FAM13A: variants seen among roughly 807,000 people sequenced by gnomAD.
The protein encoded by FAM13A is family with sequence similarity 13 member A, also known as protein FAM13A.
A neutral mutation model predicts 129.6 loss-of-function variants in FAM13A; 76 were observed. The observed-to-expected ratio is 0.59, with a 90% CI of 0.49 to 0.71. FAM13A has a LOEUF of 0.71. Ranked by LOEUF, FAM13A falls within the 30% of genes least tolerant of loss-of-function variation. The pLI is 0.00. For synonymous variants in FAM13A, 443 were observed against 449.9 expected (o/e 0.98, Z 0.20); for missense variants, 1,108 against 1,249.3 (o/e 0.89, Z 1.70).
At chr4:88,900,681 C>T (rs2150206544) in intron 6 of FAM13A, among the ~76,000 whole-genome samples, 1 of 152,130 alleles carries the variant, frequency 6.6e-6, no homozygotes, top group South Asian at 2.1e-4. Flanking sequence ...CGTTACCAGC[C>T]AATACAAAAC....
At chr4:88,879,431 A>ATAC (rs1307889881) in intron 6 of FAM13A, among the ~76,000 whole-genome samples, 16 of 152,324 alleles carry the variant, frequency 1.1e-4, no homozygotes, top group African/African-American at 3.1e-4. Flanking sequence ...GATATGTATT[A>ATAC]TATGCACAAT....
At chr4:88,767,691 T>C (rs1275855003) in intron 12 of FAM13A, 96 bp from the exon 13 acceptor site, 40 of 1,006,598 alleles carry the variant, frequency 4.0e-5, no homozygotes, top group Middle Eastern at 2.1e-4. Flanking sequence ...TAAGAGTATG[T>C]TGAGTAGCTC....
intron 6 of FAM13A, 38 bp downstream of exon 6, chr4:88,906,341 G>T (rs13132415): frequency 0.15 from 199,367 of 1,288,182 alleles, 17,518 homozygotes; most frequent in Middle Eastern, 0.26. Context: ...CCATGCTAAA[G>T]ATTTCACATG....
chr4:88,896,726 C>G (rs183446329), intron 6 of FAM13A, among the ~76,000 whole-genome samples: 2 of 152,276 alleles, frequency 1.3e-5, no homozygotes, highest in East Asian at 3.9e-4. Context: ...TATCCCGCAT[C>G]TTATAGTTAA....
chr4:88,756,935 G>A lies in FAM13A; in HGVS notation c.1726+1819C>T, dbSNP rs1034544655. ...AAGATATGTACATTCAATGACAAAC[G>A]CAGTAATGGCAAAACAAAAACAAAA... On this transcript the variant is annotated intron_variant, in intron 14 of 23. Transcript: ENST00000264344. Among the ~76,000 whole-genome samples the A allele has an allele frequency of 3.3e-5, 5 of 151,822 alleles. 1 individual carries two copies. The South Asian group carries it at 6.2e-4, about 19-fold the overall frequency.
intron 7 of FAM13A, among the ~76,000 whole-genome samples, chr4:88,830,764 G>C (rs1733766910): frequency 6.6e-6 from 1 of 152,262 alleles, no homozygotes; most frequent in South Asian, 2.1e-4. Flanking sequence ...AGAGGGGAGG[G>C]AAGAGCTGCT....
chr4:88,960,320 T>C (rs1043351990), intron 4 of FAM13A, among the ~76,000 whole-genome samples: 6 of 152,248 alleles, frequency 3.9e-5, no homozygotes, highest in Non-Finnish European at 7.3e-5. Context: ...CCTATTTGAT[T>C]TTTCAGTGAG....
chr4:88,877,730 G>A (rs1742801499), intron 6 of FAM13A, among the ~76,000 whole-genome samples: 2 of 152,106 alleles, frequency 1.3e-5, no homozygotes, highest in African/African-American at 4.8e-5. Context: ...AATATCTTTA[G>A]TAGCTCCCCA....
chr4:88,727,443 A>G lies in FAM13A; in HGVS notation c.*1090T>C, dbSNP rs1344504609. On this transcript the variant is annotated 3_prime_UTR_variant, in exon 24 of 24. Coordinates refer to ENST00000264344, the MANE Select transcript of FAM13A (RefSeq NM_014883.4). ...AGCATGACTTCTTTTTTTTCTTTTT[A>G]TACATGATCTCGAAAATAGTGTGAT... 6.6e-6 allele frequency: 1 copy of G among 152,458 alleles called. No individual in the cohort carries two copies. The highest frequency in any genetic ancestry group is 6.5e-5 in the Admixed American group (1 of 15,268). The allele number at this position is 152,458 out of a possible 1,614,324, so 9.4% of individuals were successfully genotyped here.
At position 88,945,990 on chromosome 4, in the gene FAM13A, G is replaced by GTATATATATATATATATA. The variant is rs199936059; in HGVS notation, c.606-7767_606-7750dup. ...TGTGTGTGTGTGTGTGTGTGTGTGT[G>GTATATATATATATATATA]TATATATATATATATATATATATAT... On this transcript the variant is annotated intron_variant, in intron 4 of 23. Coordinates refer to ENST00000264344, the MANE Select transcript of FAM13A (RefSeq NM_014883.4). 1.2e-3 allele frequency among the ~76,000 whole-genome samples: 77 copies of GTATATATATATATATATA among 61,862 alleles called. 1 individual carries two copies. Among genetic ancestry groups the GTATATATATATATATATA allele is most frequent in the Admixed American group, 2.9e-3 (17 of 5,866 alleles). 40.6% of individuals were successfully genotyped at this position (61,862 alleles called of 152,430 possible).
intron 8 of FAM13A, among the ~76,000 whole-genome samples, chr4:88,801,798 C>T (rs914970737): frequency 3.3e-5 from 5 of 152,066 alleles, no homozygotes; most frequent in African/African-American, 1.2e-4. Context: ...GGGATCTGAT[C>T]CTGCTCATAG....
intron 7 of FAM13A, among the ~76,000 whole-genome samples, chr4:88,837,721 A>C (rs1180370043): frequency 6.9e-6 from 1 of 144,868 alleles, no homozygotes; most frequent in Non-Finnish European, 1.5e-5. Context: ...TCCGTCTCAA[A>C]AAAAAAAAAA....
intron 6 of FAM13A, among the ~76,000 whole-genome samples, chr4:88,874,568 G>C (rs1007012525): frequency 2.0e-5 from 3 of 152,092 alleles, no homozygotes; most frequent in African/African-American, 7.2e-5. Flanking sequence ...AAATACCTAG[G>C]AATCCAACTG....
chr4:88,962,488 C>T (rs768398040), intron 4 of FAM13A, among the ~76,000 whole-genome samples: 5 of 152,276 alleles, frequency 3.3e-5, no homozygotes, highest in African/African-American at 1.2e-4. Context: ...GAGAGTTTCA[C>T]AGAACAGGGA....
intron 3 of FAM13A, among the ~76,000 whole-genome samples, chr4:89,018,956 T>G (rs1004915254): frequency 6.6e-6 from 1 of 152,072 alleles, no homozygotes; most frequent in Non-Finnish European, 1.5e-5. Context: ...AAGAAAGAAA[T>G]AAGACATGAG....
intron 7 of FAM13A, among the ~76,000 whole-genome samples, chr4:88,840,624 A>C (rs72872136): frequency 0.07 from 10,647 of 152,136 alleles, 525 homozygotes; most frequent in African/African-American, 0.14. Flanking sequence ...ATAAGGATGC[A>C]GATGTGAATA....
chr4:88,921,704 T>C (rs1187148646), intron 5 of FAM13A, among the ~76,000 whole-genome samples: 1 of 152,084 alleles, frequency 6.6e-6, no homozygotes, highest in Non-Finnish European at 1.5e-5. Context: ...CAAACAATAT[T>C]AACTTTAAAT....
chr4:88,812,295 G>T (rs911000468), intron 7 of FAM13A, among the ~76,000 whole-genome samples: 5 of 152,130 alleles, frequency 3.3e-5, no homozygotes, highest in African/African-American at 9.7e-5. Flanking sequence ...TGTGTCTCTT[G>T]AGTCAGATCT....
intron 7 of FAM13A, among the ~76,000 whole-genome samples, chr4:88,844,971 T>C (rs1736402460): frequency 6.6e-6 from 1 of 151,992 alleles, no homozygotes; most frequent in African/African-American, 2.4e-5. Flanking sequence ...CAGTAGAAAA[T>C]TCTGAATGGG....
Sources: gnomAD v4.1 joint callset for allele counts (sites outside exome capture counted in the v4.1 genomes callset) on GRCh38, gnomAD v4.1.1 for gene constraint, MANE v1.5 for transcripts, NCBI Gene and HGNC (gene_info 2026-07-23, HGNC 2026-07-21) for gene names.